Variants in NKAIN3 observed in about 807,000 individuals in gnomAD.
The protein encoded by NKAIN3 is sodium/potassium transporting ATPase interacting 3.
NKAIN3 carries 25 observed loss-of-function variants against 30.2 expected under a neutral mutation model. The ratio of observed to expected loss-of-function variants is 0.83; its 90% confidence interval spans 0.60 to 1.16. The LOEUF is 1.16. NKAIN3 is among the 50% of genes most tolerant of loss of function. The pLI is 0.00. For synonymous variants in NKAIN3, 91 were observed against 89.6 expected (o/e 1.02, Z -0.09); for missense variants, 225 against 254.1 (o/e 0.89, Z 0.78).
chr8:62,825,969 C>G (rs1029332340), intron 4 of NKAIN3, among the ~76,000 whole-genome samples: 2 of 152,158 alleles, frequency 1.3e-5, no homozygotes, highest in African/African-American at 4.8e-5. Flanking sequence ...ATTTTACATG[C>G]CATGTCAATA....
intron 3 of NKAIN3, among the ~76,000 whole-genome samples, chr8:62,712,100 G>A (rs973008248): frequency 3.3e-5 from 5 of 152,198 alleles, no homozygotes; most frequent in Non-Finnish European, 7.4e-5. Flanking sequence ...CCATCTATGG[G>A]TTTCTCAGCC....
intron 1 of NKAIN3, among the ~76,000 whole-genome samples, chr8:62,287,791 G>T (rs186509312): frequency 6.6e-6 from 1 of 152,198 alleles, no homozygotes; most frequent in East Asian, 1.9e-4. Flanking sequence ...TCCACATTCT[G>T]ATTCTAACCT....
rs555759823 is a variant in NKAIN3, at chr8:62,889,376, A to T, written c.472-29077A>T. On this transcript the variant is annotated intron_variant, in intron 4 of 6. Coordinates refer to ENST00000623646, the MANE Select transcript of NKAIN3 (RefSeq NM_001304533.3). ...CAAGAGTGAAACTCCATCTCGAAAA[A>T]AATAATAATAATAATAAAATAAAAT... is the stretch of plus-strand genomic sequence containing the variant. 7.6e-4 allele frequency among the ~76,000 whole-genome samples: 116 copies of T among 152,152 alleles called. 1 individual carries two copies. Among genetic ancestry groups the T allele is most frequent in the African/African-American group, 2.4e-3 (100 of 41,524 alleles).
At position 62,713,884 on chromosome 8, in the gene NKAIN3, A is replaced by G. The variant is rs550590115; in HGVS notation, c.274-33048A>G. On this transcript the variant is annotated intron_variant, in intron 3 of 6. Coordinates refer to ENST00000623646, the MANE Select transcript of NKAIN3 (RefSeq NM_001304533.3). ...ATTGTAATGTATTTGGAATTTGGTT[A>G]GAAACAGGTTGCTTTTATTAATAGT... 3.8e-3 allele frequency among the ~76,000 whole-genome samples: 572 copies of G among 152,320 alleles called. 1 individual carries two copies. Among genetic ancestry groups the G allele is most frequent in the Admixed American group, 8.4e-3 (128 of 15,304 alleles).
At chr8:62,815,205 C>A (rs928275370) in intron 4 of NKAIN3, among the ~76,000 whole-genome samples, 82 of 151,942 alleles carry the variant, frequency 5.4e-4, no homozygotes, top group Non-Finnish European at 1.0e-3. Context: ...CAATAACAGG[C>A]TCTGAAATTT....
intron 3 of NKAIN3, among the ~76,000 whole-genome samples, chr8:62,652,222 C>T (rs1170812329): frequency 6.6e-6 from 1 of 152,150 alleles, no homozygotes; most frequent in Non-Finnish European, 1.5e-5. Flanking sequence ...TTTCAGACCA[C>T]AGCAGTTTAA....
chr8:62,422,268 A>G (rs1274989575), intron 1 of NKAIN3, among the ~76,000 whole-genome samples: 1 of 152,110 alleles, frequency 6.6e-6, no homozygotes, highest in East Asian at 1.9e-4. Context: ...TTATTTCTTA[A>G]TTTGATGCTG....
At chr8:62,797,784 C>A (rs1370790441) in intron 4 of NKAIN3, among the ~76,000 whole-genome samples, 1 of 152,078 alleles carries the variant, frequency 6.6e-6, no homozygotes, top group Non-Finnish European at 1.5e-5. Flanking sequence ...TCTCTGAAGA[C>A]AATAATTAGT....
chr8:62,415,051 A>G (rs1220176579), intron 1 of NKAIN3, among the ~76,000 whole-genome samples: 1 of 144,790 alleles, frequency 6.9e-6, no homozygotes, highest in Non-Finnish European at 1.5e-5. Flanking sequence ...ATATATATAT[A>G]TACTATATTA....
Position 62,336,551 on chromosome 8 carries a change from C to T in NKAIN3, c.54+87424C>T, listed in dbSNP as rs145126402. 9.2e-3 allele frequency among the ~76,000 whole-genome samples: 1,405 copies of T among 151,934 alleles called. 16 individuals are homozygous for T. The highest frequency in any genetic ancestry group is 0.03 in the African/African-American group (1,248 of 41,454). ...TTTCCACTAACAGTCTCTATGAGGCCCTTCTAGCTTCTGTCCACTGCTTGA... is the reference window on the plus strand; with the variant it reads ...TTTCCACTAACAGTCTCTATGAGGCTCTTCTAGCTTCTGTCCACTGCTTGA... On this transcript the variant is annotated intron_variant, in intron 1 of 6. Coordinates refer to ENST00000623646, the MANE Select transcript of NKAIN3 (RefSeq NM_001304533.3).
chr8:62,249,070 C>T lies in NKAIN3; in HGVS notation c.-4C>T, dbSNP rs1316128668. The T allele has an allele frequency of 2.6e-6, 4 of 1,535,786 alleles. No individual in the cohort carries two copies. The highest frequency in any genetic ancestry group is 2.8e-5 in the African/African-American group (2 of 71,136). ...GTCAGCGCCGCTCGGACGCCGCCGG[C>T]ACCATGGGCTGCTGCACCGGACGCT... On this transcript the variant is annotated 5_prime_UTR_variant, in exon 1 of 7. Transcript: ENST00000623646.
At chr8:62,363,704 T>G (rs1007511104) in intron 1 of NKAIN3, among the ~76,000 whole-genome samples, 1 of 152,072 alleles carries the variant, frequency 6.6e-6, no homozygotes, top group Admixed American at 6.5e-5. Flanking sequence ...ATACTTGGAG[T>G]GACTAAACAA....
chr8:62,456,559 C>A (rs1432511098), intron 1 of NKAIN3, among the ~76,000 whole-genome samples: 4 of 151,798 alleles, frequency 2.6e-5, no homozygotes, highest in African/African-American at 9.7e-5. Flanking sequence ...CTTTCTTGAT[C>A]TCTGAGAGGG....
chr8:62,524,488 T>C (rs1294126575), intron 1 of NKAIN3, among the ~76,000 whole-genome samples: 1 of 152,084 alleles, frequency 6.6e-6, no homozygotes, highest in Non-Finnish European at 1.5e-5. Flanking sequence ...TTGGCAGTAA[T>C]AACTAATTCT....
Position 62,953,978 on chromosome 8 carries a change from T to G in NKAIN3, c.603+6T>G. 1 of 955,578 alleles carries G rather than the reference T, an allele frequency of 1.0e-6. No homozygotes were observed. The highest frequency in any genetic ancestry group is 4.8e-5 in the South Asian group (1 of 20,638). The allele number at this position is 955,578 out of a possible 1,614,324, so 59.2% of individuals were successfully genotyped here. The stretch of plus-strand genomic sequence containing the variant: ...AGTTAAAGCCTGTTAAACCAGTAAG[T>G]AAAGGTGTGATGATATGGAAAATAT... On this transcript the variant is annotated splice_donor_region_variant and intron_variant, in intron 6 of 6. Coordinates refer to ENST00000623646, the MANE Select transcript of NKAIN3 (RefSeq NM_001304533.3).
At chr8:62,844,218 C>T (rs968808943) in intron 4 of NKAIN3, among the ~76,000 whole-genome samples, 5 of 152,096 alleles carry the variant, frequency 3.3e-5, no homozygotes, top group African/African-American at 1.2e-4. Flanking sequence ...AACATATTTG[C>T]ATTTTTGCCT....
At chr8:62,352,764 C>T (rs1816223496) in intron 1 of NKAIN3, among the ~76,000 whole-genome samples, 1 of 152,200 alleles carries the variant, frequency 6.6e-6, no homozygotes, top group South Asian at 2.1e-4. Context: ...TACAGGTGAG[C>T]ATGCGTGTCT....
intron 5 of NKAIN3, chr8:62,990,414 G>A: frequency 1.7e-6 from 2 of 1,146,378 alleles, no homozygotes; most frequent in Non-Finnish European, 2.2e-6. Context: ...TTTTTAACCA[G>A]CAGTGCTCTT....
At chr8:62,548,058 C>T (rs1176584672) in intron 1 of NKAIN3, among the ~76,000 whole-genome samples, 1 of 152,170 alleles carries the variant, frequency 6.6e-6, no homozygotes, top group Non-Finnish European at 1.5e-5. Flanking sequence ...AACGCAACCT[C>T]TGTTGGCTCC....
Sources: gnomAD v4.1 joint callset for allele counts (sites outside exome capture counted in the v4.1 genomes callset) on GRCh38, gnomAD v4.1.1 for gene constraint, MANE v1.5 for transcripts, NCBI Gene and HGNC (gene_info 2026-07-23, HGNC 2026-07-21) for gene names.